The following GALNT13 variants were observed in gnomAD, a reference collection of about 807,000 sequenced individuals.
GALNT13 encodes the protein polypeptide N-acetylgalactosaminyltransferase 13.
Under a neutral mutation model 64.2 loss-of-function variants are expected in GALNT13, and 28 were observed. The ratio of observed to expected loss-of-function variants is 0.44; its 90% CI spans 0.32 to 0.60. The LOEUF (loss-of-function observed/expected upper bound fraction) is 0.60. Ranked by LOEUF, GALNT13 falls within the 20% of genes least tolerant of loss-of-function variation. The pLI, the probability that GALNT13 is intolerant of heterozygous loss-of-function variation, is 0.05. For synonymous variants in GALNT13, 214 were observed against 224.6 expected (o/e 0.95, Z 0.42); for missense variants, 577 against 669.8 (o/e 0.86, Z 1.53).
In GALNT13 at chr2:154,452,178, C is replaced by T. The variant is rs1431356261; in HGVS notation, c.*1627C>T. The T allele has an allele frequency of 1.3e-5, 2 of 152,032 alleles. No individual in the cohort carries two copies. The highest frequency in any genetic ancestry group is 6.6e-5 in the Admixed American group (1 of 15,216). 9.4% of individuals were successfully genotyped at this position (152,032 alleles called of 1,614,324 possible). ...CTCTTTAAATATAGACACCCCTCAC[C>T]ATGAGCTCTCTGTGAATCCGTGAAT... On this transcript the variant is annotated 3_prime_UTR_variant, in exon 13 of 13. Coordinates refer to ENST00000392825, the MANE Select transcript of GALNT13 (RefSeq NM_052917.4).
At chr2:153,970,085 T>A (rs935036642) in intron 3 of GALNT13, among the ~76,000 whole-genome samples, 4 of 152,180 alleles carry the variant, frequency 2.6e-5, no homozygotes, top group African/African-American at 9.7e-5. Context: ...TCACTTAGTT[T>A]TCAAACATCG....
chr2:153,070,989 AT>A, the GALNT13 span, among the ~76,000 whole-genome samples: 3 of 152,146 alleles, frequency 2.0e-5, no homozygotes, highest in Non-Finnish European at 4.4e-5. Flanking sequence ...TGAAATTATT[AT>A]TTTTTTATTT....
At chr2:153,289,327 A>T in the GALNT13 span, among the ~76,000 whole-genome samples, 1 of 152,162 alleles carries the variant, frequency 6.6e-6, no homozygotes. Context: ...TAGAAAAATT[A>T]TTTTTTATTG....
the GALNT13 span, among the ~76,000 whole-genome samples, chr2:153,368,913 T>C: frequency 6.6e-6 from 1 of 150,980 alleles, no homozygotes; most frequent in Admixed American, 6.6e-5. Context: ...AGATAAGCCA[T>C]GTATTAAGCA....
At chr2:153,639,357 C>A in the GALNT13 span, among the ~76,000 whole-genome samples, 2 of 151,906 alleles carry the variant, frequency 1.3e-5, no homozygotes, top group African/African-American at 4.8e-5. Flanking sequence ...GGAGGGAATA[C>A]AATAATTGAT....
the GALNT13 span, among the ~76,000 whole-genome samples, chr2:153,391,401 C>T: frequency 2.0e-5 from 3 of 152,004 alleles, no homozygotes; most frequent in African/African-American, 7.2e-5. Flanking sequence ...AGATGACACG[C>T]TAGTAATGAT....
At chr2:154,323,897 C>T (rs7574842) in intron 9 of GALNT13, among the ~76,000 whole-genome samples, 23,468 of 152,012 alleles carry the variant, frequency 0.15, 2,049 homozygotes, top group Middle Eastern at 0.26. Context: ...GTTTGTCAGA[C>T]GGTTTTGCAG....
At chr2:154,205,031 G>A (rs1687365998) in intron 4 of GALNT13, among the ~76,000 whole-genome samples, 1 of 152,150 alleles carries the variant, frequency 6.6e-6, no homozygotes, top group African/African-American at 2.4e-5. Context: ...GGGTGGATGG[G>A]TGGATGGGTA....
chr2:153,460,644 A>G, the GALNT13 span, among the ~76,000 whole-genome samples: 10 of 152,192 alleles, frequency 6.6e-5, no homozygotes, highest in Non-Finnish European at 1.2e-4. Flanking sequence ...ATTAGAAACC[A>G]CTTGAGTATC....
intron 4 of GALNT13, among the ~76,000 whole-genome samples, chr2:154,232,362 C>G (rs1056078603): frequency 6.6e-6 from 1 of 151,992 alleles, no homozygotes; most frequent in African/African-American, 2.4e-5. Flanking sequence ...CCATTTGTTC[C>G]CATTTATTCC....
At chr2:153,197,401 C>A in the GALNT13 span, among the ~76,000 whole-genome samples, 3 of 152,342 alleles carry the variant, frequency 2.0e-5, no homozygotes, top group African/African-American at 7.2e-5. Flanking sequence ...GTGAGGCAAG[C>A]TCCAGGCATC....
At chr2:154,248,671 G>GATGTAGC (rs1193245333) in intron 7 of GALNT13, among the ~76,000 whole-genome samples, 1 of 152,182 alleles carries the variant, frequency 6.6e-6, no homozygotes, top group African/African-American at 2.4e-5. Flanking sequence ...TAATAAGTCA[G>GATGTAGC]AAGATCTTGC....
At chr2:153,184,268 G>A in the GALNT13 span, among the ~76,000 whole-genome samples, 15 of 151,808 alleles carry the variant, frequency 9.9e-5, no homozygotes, top group Non-Finnish European at 1.5e-4. Context: ...TTTGGTTCTC[G>A]GCTTGCCTGT....
chr2:153,180,639 C>A, the GALNT13 span, among the ~76,000 whole-genome samples: 1 of 151,974 alleles, frequency 6.6e-6, no homozygotes, highest in Admixed American at 6.5e-5. Context: ...GCAGTGAAGC[C>A]CTCAGGTTCT....
the GALNT13 span, among the ~76,000 whole-genome samples, chr2:153,811,187 T>G: frequency 6.6e-6 from 1 of 152,348 alleles, no homozygotes; most frequent in African/African-American, 2.4e-5. Context: ...TGGAGAATGA[T>G]GAGTTCTTGA....
intron 3 of GALNT13, among the ~76,000 whole-genome samples, chr2:153,947,981 A>C (rs759471746): frequency 6.6e-6 from 1 of 152,060 alleles, no homozygotes; most frequent in Non-Finnish European, 1.5e-5. Context: ...GTCAAAGATC[A>C]GATAGTTGTA....
the GALNT13 span, among the ~76,000 whole-genome samples, chr2:153,508,196 GAGGAAGCAAACATGCCCT>G: frequency 2.0e-5 from 3 of 152,340 alleles, no homozygotes; most frequent in South Asian, 4.1e-4. Context: ...CTCTTATAGG[GAGGAAGCAAACATGCCCT>G]AGGGTCGCCT....
At chr2:153,977,573 C>T (rs1000906618) in intron 3 of GALNT13, among the ~76,000 whole-genome samples, 4 of 152,124 alleles carry the variant, frequency 2.6e-5, no homozygotes, top group Non-Finnish European at 5.9e-5. Context: ...GTCCCTCCCA[C>T]GACATGTGGG....
intron 1 of GALNT13, among the ~76,000 whole-genome samples, chr2:153,873,609 G>A (rs1686146711): frequency 2.0e-5 from 3 of 152,204 alleles, no homozygotes. Context: ...AGGTATGCCT[G>A]CCTTAAACTA....
Sources: allele counts gnomAD v4.1 joint callset (sites outside exome capture counted in the v4.1 genomes callset), GRCh38; gene constraint gnomAD v4.1.1; transcripts MANE v1.5; gene names NCBI Gene and HGNC (gene_info 2026-07-23, HGNC 2026-07-21).